The following TNR variants were observed in gnomAD, a reference collection of about 807,000 sequenced individuals.
The protein encoded by TNR is tenascin R, also known as tenascin-R.
TNR carries 45 observed loss-of-function variants against 150.4 expected under a neutral mutation model. The ratio of observed to expected loss-of-function variants is 0.30; its 90% CI spans 0.24 to 0.38. TNR has a LOEUF of 0.38. Among genes scored for constraint, TNR ranks in the 10% least tolerant of loss-of-function variants. The pLI, the probability that TNR is intolerant of heterozygous loss-of-function variation, is 1.00. For synonymous variants in TNR, 687 were observed against 678.4 expected (o/e 1.01, Z -0.20); for missense variants, 1,544 against 1,759.1 (o/e 0.88, Z 2.19).
At chr1:175,620,955 T>C (rs1663952365) in intron 1 of TNR, among the ~76,000 whole-genome samples, 1 of 152,232 alleles carries the variant, frequency 6.6e-6, no homozygotes, top group African/African-American at 2.4e-5. Flanking sequence ...AGGCATAGTT[T>C]CCAGAGTGCT....
chr1:175,491,446 C>T (rs1480676748), intron 2 of TNR, among the ~76,000 whole-genome samples: 1 of 150,924 alleles, frequency 6.6e-6, no homozygotes, highest in Non-Finnish European at 1.5e-5. Flanking sequence ...CCTTTTAGCA[C>T]ATGACCTCCT....
chr1:175,742,580 C>G (rs139939073), intron 1 of TNR, among the ~76,000 whole-genome samples: 1 of 152,180 alleles, frequency 6.6e-6, no homozygotes, highest in Non-Finnish European at 1.5e-5. Flanking sequence ...CTCAACCCCC[C>G]AAAGCCGCCC....
chr1:175,379,806 C>T, intron 8 of TNR, 69 bp from the exon 9 acceptor site: 12 of 1,538,424 alleles, frequency 7.8e-6, no homozygotes, highest in Non-Finnish European at 1.1e-5. Context: ...GCATCTTGAA[C>T]TCTGAAAAGA....
chr1:175,700,483 G>A (rs1666658570), intron 1 of TNR, among the ~76,000 whole-genome samples: 1 of 152,112 alleles, frequency 6.6e-6, no homozygotes, highest in South Asian at 2.1e-4. Flanking sequence ...AAGCAGATAG[G>A]CAACATGCAG....
chr1:175,684,132 TG>T (rs948150420), intron 1 of TNR, among the ~76,000 whole-genome samples: 5 of 152,232 alleles, frequency 3.3e-5, no homozygotes, highest in Non-Finnish European at 7.3e-5. Context: ...ACTCAGTCAC[TG>T]GAGGAAGGCT....
chr1:175,660,777 C>T (rs1005805915), intron 1 of TNR, among the ~76,000 whole-genome samples: 2 of 152,108 alleles, frequency 1.3e-5, no homozygotes, highest in Admixed American at 6.5e-5. Flanking sequence ...AGTAGCTGGA[C>T]AAACCATGGA....
intron 1 of TNR, among the ~76,000 whole-genome samples, chr1:175,742,129 A>G (rs937241475): frequency 2.0e-5 from 3 of 152,230 alleles, no homozygotes; most frequent in Admixed American, 1.3e-4. Context: ...TCTCCAAGAC[A>G]ATACCAAAGC....
At chr1:175,589,180 T>C (rs1662693940) in intron 1 of TNR, among the ~76,000 whole-genome samples, 1 of 152,136 alleles carries the variant, frequency 6.6e-6, no homozygotes, top group South Asian at 2.1e-4. Context: ...GGCCCACAAA[T>C]ACAAGATCTC....
chr1:175,420,681 A>C (rs761983378), intron 2 of TNR, among the ~76,000 whole-genome samples: 3 of 152,234 alleles, frequency 2.0e-5, no homozygotes, highest in African/African-American at 7.2e-5. Flanking sequence ...AGGTGCTTTC[A>C]TAATCACGAC....
At chr1:175,494,694 C>G (rs912045812) in intron 2 of TNR, among the ~76,000 whole-genome samples, 1 of 152,206 alleles carries the variant, frequency 6.6e-6, no homozygotes, top group Admixed American at 6.5e-5. Flanking sequence ...TAAAAACCCA[C>G]TGGTGATCTA....
intron 1 of TNR, among the ~76,000 whole-genome samples, chr1:175,539,826 G>A (rs1412495733): frequency 1.3e-5 from 2 of 152,136 alleles, no homozygotes; most frequent in African/African-American, 2.4e-5. Context: ...CCTTCCCAGA[G>A]ATATTTGCAT....
intron 2 of TNR, among the ~76,000 whole-genome samples, chr1:175,428,955 AC>A (rs1655137435): frequency 6.6e-6 from 1 of 151,644 alleles, no homozygotes; most frequent in African/African-American, 2.4e-5. Flanking sequence ...AAAAATTGGC[AC>A]CCCTCCCTTG....
At chr1:175,386,487 T>C (rs890574433) in intron 7 of TNR, among the ~76,000 whole-genome samples, 186 bp from the exon 8 acceptor site, 9 of 152,184 alleles carry the variant, frequency 5.9e-5, no homozygotes, top group African/African-American at 1.9e-4. Context: ...ACATGTAGTT[T>C]GCCTTGATTC....
At chr1:175,712,836 C>T (rs1039261643) in intron 1 of TNR, among the ~76,000 whole-genome samples, 1 of 152,062 alleles carries the variant, frequency 6.6e-6, no homozygotes, top group Non-Finnish European at 1.5e-5. Flanking sequence ...AGTCTGCAGA[C>T]CTGTAAGCCA....
chr1:175,379,179 C>CAAA (rs148710947), intron 9 of TNR, among the ~76,000 whole-genome samples: 1 of 114,780 alleles, frequency 8.7e-6, no homozygotes, highest in Non-Finnish European at 1.7e-5. Context: ...AACTCCGTCT[C>CAAA]AAAAAAAAAA....
In TNR at chr1:175,393,844, A is replaced by G; in HGVS notation, c.1292T>C (p.Val431Ala). The G allele has an allele frequency of 6.2e-7, 1 of 1,614,194 alleles. No homozygotes were observed. Among genetic ancestry groups the G allele is most frequent in the Non-Finnish European group, 8.5e-7 (1 of 1,180,034 alleles). ...LQFKTITETT[V>A]EVQWEPFSFS... ...TGAGAAGGGCTCCCACTGCACCTCC[A>G]CGGTGGTCTCTGTGATCGTCTTAAA... The change falls in exon 6 of 23, where the codon GTG becomes GCG. Residue 431 changes from valine to alanine, a missense_variant. Physicochemically the swap from Val to Ala is moderately conservative, Grantham distance 64. This residue lies in a region of TNR where 1,254 missense variants were observed against 1,329.4 expected (regional missense o/e 0.94). Transcript: ENST00000367674.
chr1:175,614,707 G>A (rs553198021), intron 1 of TNR, among the ~76,000 whole-genome samples: 4 of 152,258 alleles, frequency 2.6e-5, no homozygotes, highest in South Asian at 2.1e-4. Context: ...CTCCCCTGCC[G>A]TGTTCCTCTC....
chr1:175,533,058 A>G (rs1056157293), intron 1 of TNR, among the ~76,000 whole-genome samples: 3 of 152,166 alleles, frequency 2.0e-5, no homozygotes, highest in Non-Finnish European at 4.4e-5. Flanking sequence ...AGTTGCCACA[A>G]ATGCTTTGCG....
At chr1:175,372,388 GC>G (rs142272696) in intron 9 of TNR, among the ~76,000 whole-genome samples, 2,112 of 152,370 alleles carry the variant, frequency 0.014, 39 homozygotes, top group African/African-American at 0.048. Flanking sequence ...GAGAAGATCA[GC>G]ATGGGCTGTA....
Sources: allele counts gnomAD v4.1 joint callset (sites outside exome capture counted in the v4.1 genomes callset), GRCh38; gene constraint gnomAD v4.1.1; regional missense constraint gnomAD v4.1.1; transcripts MANE v1.5; gene names NCBI Gene and HGNC (gene_info 2026-07-23, HGNC 2026-07-21).